The following ZNF420 variants were observed in gnomAD, a reference collection of about 807,000 sequenced individuals.
The protein encoded by ZNF420 is zinc finger protein 420.
In ZNF420, 31 loss-of-function variants were observed where a neutral mutation model predicts 44.7. The observed-to-expected ratio is 0.69, with a 90% CI of 0.52 to 0.94. The LOEUF is 0.94. ZNF420 is among the 40% of genes least tolerant of loss of function. The pLI is 0.00. For missense variants in ZNF420, 681 were observed against 827.9 expected, an observed-to-expected ratio of 0.82 and a Z score of 2.18; for synonymous variants, 245 against 267.4, an observed-to-expected ratio of 0.92 and a Z score of 0.82.
intron 1 of ZNF420, among the ~76,000 whole-genome samples, chr19:37,066,125 C>T (rs551772547): frequency 6.6e-6 from 1 of 152,294 alleles, no homozygotes; most frequent in African/African-American, 2.4e-5. Context: ...CATCAAAAGA[C>T]ACTGTTAAAA....
At chr19:37,041,116 G>C (rs1263573033) in intron 1 of ZNF420, among the ~76,000 whole-genome samples, 1 of 151,996 alleles carries the variant, frequency 6.6e-6, no homozygotes, top group Non-Finnish European at 1.5e-5. Flanking sequence ...CTGAGGTCAG[G>C]AGTTCAAGAC....
At chr19:37,125,243 C>A (rs946548415) in intron 4 of ZNF420, among the ~76,000 whole-genome samples, 3 of 152,170 alleles carry the variant, frequency 2.0e-5, no homozygotes, top group South Asian at 4.2e-4. Context: ...GTGTTCTTCC[C>A]AGAACACACA....
intron 2 of ZNF420, among the ~76,000 whole-genome samples, chr19:37,081,571 G>T (rs1395506988): frequency 4.7e-5 from 7 of 147,994 alleles, no homozygotes; most frequent in African/African-American, 1.8e-4. Flanking sequence ...GCCCAATCTT[G>T]GCTCACTGCA....
At chr19:37,064,458 C>G (rs1252774297) in intron 1 of ZNF420, among the ~76,000 whole-genome samples, 1 of 152,082 alleles carries the variant, frequency 6.6e-6, no homozygotes, top group African/African-American at 2.4e-5. Context: ...TTTGAGCGCC[C>G]CTTACTTACA....
intron 4 of ZNF420, among the ~76,000 whole-genome samples, chr19:37,096,593 A>T (rs1969468462): frequency 6.6e-6 from 1 of 152,178 alleles, no homozygotes. Context: ...CAGACCATTA[A>T]TATACAAACA....
At chr19:37,023,596 C>T (rs1264958532) in intron 1 of ZNF420, among the ~76,000 whole-genome samples, 1 of 152,154 alleles carries the variant, frequency 6.6e-6, no homozygotes, top group African/African-American at 2.4e-5. Context: ...CAACTACTGA[C>T]CTCAGGTGAT....
At chr19:37,019,991 GC>G (rs1390197658) in intron 1 of ZNF420, among the ~76,000 whole-genome samples, 4 of 152,048 alleles carry the variant, frequency 2.6e-5, no homozygotes, top group Non-Finnish European at 4.4e-5. Flanking sequence ...GCTGAGGAGG[GC>G]GGATCATAAG....
At chr19:37,126,774 A>G (rs1055822817) in intron 4 of ZNF420, among the ~76,000 whole-genome samples, 1 of 152,078 alleles carries the variant, frequency 6.6e-6, no homozygotes, top group Admixed American at 6.6e-5. Flanking sequence ...TGCCCCTTTC[A>G]TATATTAATA....
At chr19:37,109,841 G>A (rs1257561368) in intron 4 of ZNF420, 1 of 152,168 alleles carries the variant, frequency 6.6e-6, no homozygotes, top group Non-Finnish European at 1.5e-5. Flanking sequence ...TTCTGCAGGA[G>A]TAGTAGTCTG....
At chr19:37,040,230 A>G (rs944070762) in intron 1 of ZNF420, among the ~76,000 whole-genome samples, 1 of 152,318 alleles carries the variant, frequency 6.6e-6, no homozygotes. Context: ...ATCTTGCACT[A>G]TTATATCATA....
intron 1 of ZNF420, among the ~76,000 whole-genome samples, chr19:37,067,287 A>T (rs1356022792): frequency 6.6e-6 from 1 of 152,224 alleles, no homozygotes; most frequent in Non-Finnish European, 1.5e-5. Flanking sequence ...ACACAATTTT[A>T]CTGTATGTAC....
intron 1 of ZNF420, among the ~76,000 whole-genome samples, chr19:37,047,793 T>C (rs1363972589): frequency 1.3e-5 from 2 of 152,234 alleles, no homozygotes; most frequent in Non-Finnish European, 2.9e-5. Context: ...TATTAATGCC[T>C]CCTGTGAACT....
chr19:37,017,962 G>A (rs1342806917), intron 1 of ZNF420, among the ~76,000 whole-genome samples: 1 of 152,098 alleles, frequency 6.6e-6, no homozygotes, highest in Non-Finnish European at 1.5e-5. Context: ...GAATTCAGCA[G>A]AGTGCCAGGA....
chr19:37,009,992 C>A (rs1490433330), intron 1 of ZNF420, among the ~76,000 whole-genome samples: 1 of 152,180 alleles, frequency 6.6e-6, no homozygotes, highest in Admixed American at 6.5e-5. Flanking sequence ...GCAGCAGGAG[C>A]CCCTACTGCC....
intron 4 of ZNF420, among the ~76,000 whole-genome samples, chr19:37,122,107 T>C (rs1971079334): frequency 6.6e-6 from 1 of 152,184 alleles, no homozygotes; most frequent in Non-Finnish European, 1.5e-5. Context: ...GCCATCCCAT[T>C]ACTGGGTATA....
chr19:37,010,391 C>T (rs962021153), intron 1 of ZNF420, among the ~76,000 whole-genome samples: 3 of 152,138 alleles, frequency 2.0e-5, no homozygotes, highest in African/African-American at 7.2e-5. Context: ...GACATGTCTG[C>T]TTGTGTGCCC....
At chr19:37,035,554 A>T (rs1342577646) in intron 1 of ZNF420, among the ~76,000 whole-genome samples, 2 of 152,190 alleles carry the variant, frequency 1.3e-5, no homozygotes, top group African/African-American at 4.8e-5. Context: ...AGGTGTTTTC[A>T]TAACAAGATG....
intron 1 of ZNF420, among the ~76,000 whole-genome samples, chr19:37,011,246 G>A (rs1044094914): frequency 8.5e-5 from 13 of 152,196 alleles, no homozygotes; most frequent in Non-Finnish European, 1.5e-4. Flanking sequence ...CCCGTTTCTG[G>A]TGGATTGGGC....
chr19:37,115,108 T>C, intron 4 of ZNF420: 1 of 172,186 alleles, frequency 5.8e-6, no homozygotes, highest in African/African-American at 2.4e-5. Context: ...ACCATAGACG[T>C]ACTCAGGAAT....
Sources: gnomAD v4.1 joint callset for allele counts (sites outside exome capture counted in the v4.1 genomes callset) on GRCh38, gnomAD v4.1.1 for gene constraint, MANE v1.5 for transcripts, NCBI Gene and HGNC (gene_info 2026-07-23, HGNC 2026-07-21) for gene names.